NAALADL2: variants seen among roughly 807,000 people sequenced by gnomAD.
NAALADL2 encodes N-acetylated alpha-linked acidic dipeptidase like 2, also known as inactive N-acetylated-alpha-linked acidic dipeptidase-like protein 2.
A neutral mutation model predicts 87.2 loss-of-function variants in NAALADL2; 76 were observed. The ratio of observed to expected loss-of-function variants is 0.87; its 90% CI spans 0.72 to 1.05. The LOEUF is 1.05. Among genes scored for constraint, NAALADL2 ranks in the 50% least tolerant of loss-of-function variants. The pLI is 0.00. For synonymous variants in NAALADL2, 354 were observed against 331.0 expected (o/e 1.07, Z -0.75); for missense variants, 1,089 against 945.8 (o/e 1.15, Z -1.99).
Position 175,228,022 on chromosome 3 carries a change from C to G in NAALADL2, c.546-5909C>G, listed in dbSNP as rs16824878. On this transcript the variant is annotated intron_variant, in intron 2 of 13. Transcript: ENST00000454872. ...ACTGTTTATGAAGAAATCATATTTTCTAGAGACCAGTATTTCTACAATCAT... is the reference window on the plus strand; with the variant it reads ...ACTGTTTATGAAGAAATCATATTTTGTAGAGACCAGTATTTCTACAATCAT... 9.7e-3 allele frequency among the ~76,000 whole-genome samples: 1,477 copies of G among 151,968 alleles called. 25 individuals carry two copies. The highest frequency in any genetic ancestry group is 0.034 in the African/African-American group (1,398 of 41,508).
intron 5 of NAALADL2, among the ~76,000 whole-genome samples, chr3:175,327,029 A>C (rs375238380): frequency 1.1e-3 from 160 of 152,338 alleles, no homozygotes; most frequent in Middle Eastern, 3.4e-3. Context: ...GAAGTAATTT[A>C]GAACAACCCA....
intron 4 of NAALADL2, among the ~76,000 whole-genome samples, chr3:175,315,332 A>C (rs1759003778): frequency 6.6e-6 from 1 of 152,174 alleles, no homozygotes; most frequent in African/African-American, 2.4e-5. Context: ...GGTGGGAGGC[A>C]TATGTAAAGG....
rs561217930 is a variant in NAALADL2, at chr3:174,467,003, C to T, written c.-184+25971C>T. On this transcript the variant is annotated intron_variant, in intron 1 of 3. Coordinates refer to the NAALADL2 transcript ENST00000434257. Reference sequence around the variant, plus strand: ...CTGTCTTAGATTAATGAAAGCAGGACGCATTAGAAGTTGTTTTTTTTTATG... The same window carrying T: ...CTGTCTTAGATTAATGAAAGCAGGATGCATTAGAAGTTGTTTTTTTTTATG... Among the ~76,000 whole-genome samples the T allele has an allele frequency of 2.6e-5, 4 of 152,110 alleles. No homozygotes were observed. The South Asian group carries it at 6.2e-4, about 24-fold the overall frequency.
chr3:175,200,433 G>A (rs1033969934), intron 2 of NAALADL2, among the ~76,000 whole-genome samples: 1 of 151,892 alleles, frequency 6.6e-6, no homozygotes, highest in Non-Finnish European at 1.5e-5. Flanking sequence ...CTGAAAAAAA[G>A]GAAGCTGCTC....
chr3:175,792,711 G>A (rs575823804), intron 13 of NAALADL2, among the ~76,000 whole-genome samples: 32 of 152,152 alleles, frequency 2.1e-4, no homozygotes, highest in Non-Finnish European at 2.8e-4. Context: ...TACTCACATT[G>A]GCTTAACTGA....
intron 1 of NAALADL2, among the ~76,000 whole-genome samples, chr3:175,056,035 G>A (rs1425203672): frequency 2.6e-5 from 4 of 152,156 alleles, no homozygotes; most frequent in African/African-American, 9.6e-5. Flanking sequence ...TGTCTAGCTT[G>A]CTGAATTCCT....
intron 1 of NAALADL2, among the ~76,000 whole-genome samples, chr3:175,071,980 G>A (rs1050182515): frequency 4.0e-5 from 6 of 151,882 alleles, no homozygotes; most frequent in Admixed American, 1.3e-4. Context: ...TTCTAGGATT[G>A]TTTCCACTTC....
chr3:175,785,533 CTT>C (rs1218779661), intron 13 of NAALADL2, among the ~76,000 whole-genome samples: 1 of 131,848 alleles, frequency 7.6e-6, no homozygotes, highest in Non-Finnish European at 1.6e-5. Flanking sequence ...CAACCCCTGC[CTT>C]TTTTTGTTTT....
intron 1 of NAALADL2, among the ~76,000 whole-genome samples, chr3:175,078,885 C>A (rs1717181108): frequency 6.6e-6 from 1 of 152,178 alleles, no homozygotes; most frequent in Non-Finnish European, 1.5e-5. Context: ...ATGATTAATG[C>A]TGCTCTAAAA....
At chr3:174,609,628 A>G (rs1237157846) in intron 2 of NAALADL2, among the ~76,000 whole-genome samples, 1 of 152,190 alleles carries the variant, frequency 6.6e-6, no homozygotes, top group Non-Finnish European at 1.5e-5. Flanking sequence ...GACCTCTTCA[A>G]GGAGAAGTAC....
At chr3:174,483,298 G>A (rs572274063) in intron 1 of NAALADL2, among the ~76,000 whole-genome samples, 1 of 152,158 alleles carries the variant, frequency 6.6e-6, no homozygotes, top group Non-Finnish European at 1.5e-5. Context: ...TTACAATCAT[G>A]GTGAAAGGTG....
At chr3:175,134,031 G>T (rs1485721950) in intron 2 of NAALADL2, among the ~76,000 whole-genome samples, 3 of 152,044 alleles carry the variant, frequency 2.0e-5, no homozygotes, top group African/African-American at 7.2e-5. Context: ...TGGTTTTCTG[G>T]GTGTTTCTAT....
chr3:174,784,403 T>G (rs1387036139), intron 3 of NAALADL2, among the ~76,000 whole-genome samples: 1 of 152,196 alleles, frequency 6.6e-6, no homozygotes, highest in Non-Finnish European at 1.5e-5. Flanking sequence ...AAATCTGCCT[T>G]AACTGTCTTA....
At chr3:175,317,734 C>T (rs772175980) in intron 4 of NAALADL2, among the ~76,000 whole-genome samples, 2 of 152,034 alleles carry the variant, frequency 1.3e-5, no homozygotes, top group South Asian at 2.1e-4. Flanking sequence ...TTTAACTTGA[C>T]TTGTAATTAA....
intron 2 of NAALADL2, among the ~76,000 whole-genome samples, chr3:174,571,568 G>A (rs1395739593): frequency 2.0e-5 from 3 of 152,014 alleles, no homozygotes; most frequent in Middle Eastern, 3.4e-3. Context: ...TAGTAGAGAC[G>A]AGGTTTCTCC....
chr3:174,523,247 G>A (rs1720442314), intron 1 of NAALADL2, among the ~76,000 whole-genome samples: 1 of 152,076 alleles, frequency 6.6e-6, no homozygotes, highest in South Asian at 2.1e-4. Context: ...TGATGAGACT[G>A]CAGTTTAAGA....
intron 9 of NAALADL2, among the ~76,000 whole-genome samples, chr3:175,501,536 T>C (rs116714671): frequency 0.021 from 3,264 of 151,972 alleles, 117 homozygotes; most frequent in African/African-American, 0.074. Flanking sequence ...TACCTTGGAC[T>C]GAGAGACAGG....
intron 1 of NAALADL2, among the ~76,000 whole-genome samples, chr3:174,975,239 C>T (rs1316422523): frequency 6.6e-6 from 1 of 152,080 alleles, no homozygotes; most frequent in East Asian, 1.9e-4. Context: ...TTCTGTCATT[C>T]CCTTGGCTAT....
intron 2 of NAALADL2, among the ~76,000 whole-genome samples, chr3:175,207,056 C>T (rs1298659726): frequency 6.6e-6 from 1 of 151,994 alleles, no homozygotes; most frequent in African/African-American, 2.4e-5. Flanking sequence ...TTTATATATG[C>T]AAACGTATAT....
Sources: allele counts gnomAD v4.1 joint callset (sites outside exome capture counted in the v4.1 genomes callset), GRCh38; gene constraint gnomAD v4.1.1; transcripts MANE v1.5; gene names NCBI Gene and HGNC (gene_info 2026-07-23, HGNC 2026-07-21).